Variants in ZNF81 observed in about 807,000 individuals in gnomAD.
ZNF81 encodes the protein zinc finger protein 81 (HFZ20).
In ZNF81, 5 loss-of-function variants were observed where a neutral mutation model predicts 32.3. The observed-to-expected ratio is 0.15, with a 90% CI of 0.08 to 0.33. ZNF81 has a LOEUF of 0.33. Among genes scored for constraint, ZNF81 ranks in the 10% least tolerant of loss-of-function variants. ZNF81 has a pLI of 1.00. For missense variants in ZNF81, 379 were observed against 479.8 expected (o/e 0.79, Z 1.96); for synonymous variants, 163 against 166.8 (o/e 0.98, Z 0.17).
chrX:47,883,220 A>C (rs1556885362), intron 2 of ZNF81, among the ~76,000 whole-genome samples: 1 of 110,195 alleles, frequency 9.1e-6, no homozygotes, highest in Non-Finnish European at 1.9e-5. Flanking sequence ...GTGTCTGCTC[A>C]AGTATTTTGC....
intron 2 of ZNF81, among the ~76,000 whole-genome samples, chrX:47,885,512 T>C (rs945586553): frequency 8.0e-5 from 9 of 112,052 alleles, no homozygotes; most frequent in Non-Finnish European, 1.7e-4. Context: ...TGGTATCTTA[T>C]AAACAATAGA....
intron 2 of ZNF81, among the ~76,000 whole-genome samples, chrX:47,869,775 A>C (rs2058573438): frequency 9.0e-6 from 1 of 110,822 alleles, no homozygotes; most frequent in Non-Finnish European, 1.9e-5. Context: ...AGCTCACTGC[A>C]ACCTCCGCCT....
At chrX:47,874,668 T>C (rs1344985137) in intron 2 of ZNF81, among the ~76,000 whole-genome samples, 3 of 112,180 alleles carry the variant, frequency 2.7e-5, no homozygotes, top group African/African-American at 9.7e-5. Flanking sequence ...TGTCCTCTCA[T>C]TGAGTCAAGA....
At chrX:47,905,597 C>T (rs1556889071) in intron 4 of ZNF81, among the ~76,000 whole-genome samples, 2 of 110,058 alleles carry the variant, frequency 1.8e-5, no homozygotes, top group African/African-American at 3.3e-5. Context: ...CTGGGGAACC[C>T]TAGCCATCTT....
chrX:47,888,938 T>C (rs2058652839), intron 3 of ZNF81, among the ~76,000 whole-genome samples: 1 of 112,126 alleles, frequency 8.9e-6, no homozygotes, highest in Non-Finnish European at 1.9e-5. Flanking sequence ...AATTGCGTTC[T>C]GTTGGGTGAA....
intron 2 of ZNF81, among the ~76,000 whole-genome samples, chrX:47,846,767 A>AAAC (rs2058472671): frequency 3.6e-5 from 4 of 111,874 alleles, no homozygotes. Context: ...TAATAGTTTT[A>AAAC]AAGAATGTTT....
At chrX:47,884,692 G>A (rs782699482) in intron 2 of ZNF81, among the ~76,000 whole-genome samples, 6 of 111,668 alleles carry the variant, frequency 5.4e-5, no homozygotes, top group Non-Finnish European at 7.5e-5. Flanking sequence ...GGTGGAGGCT[G>A]GAAAAGATTT....
chrX:47,898,469 T>C (rs1318829834), intron 4 of ZNF81, among the ~76,000 whole-genome samples: 1 of 112,203 alleles, frequency 8.9e-6, no homozygotes, highest in Non-Finnish European at 1.9e-5. Context: ...ATACTATCTT[T>C]ATTACTGTAG....
chrX:47,893,017 G>A (rs925857361), intron 3 of ZNF81, among the ~76,000 whole-genome samples: 1 of 112,510 alleles, frequency 8.9e-6, no homozygotes, highest in Admixed American at 9.3e-5. Flanking sequence ...ACTGGCAAAG[G>A]AGACTCAAGA....
chrX:47,844,088 T>C (rs1257465765), intron 1 of ZNF81, among the ~76,000 whole-genome samples: 1 of 112,272 alleles, frequency 8.9e-6, no homozygotes, highest in African/African-American at 3.2e-5. Context: ...ATAGCTTCTG[T>C]ATTGATTTCC....
At chrX:47,840,798 G>A (rs2058445955) in intron 1 of ZNF81, among the ~76,000 whole-genome samples, 1 of 112,176 alleles carries the variant, frequency 8.9e-6, no homozygotes, top group Non-Finnish European at 1.9e-5. Context: ...ATGAGCCACC[G>A]CGCCCGGCGA....
intron 2 of ZNF81, among the ~76,000 whole-genome samples, chrX:47,854,967 T>A (rs2058510458): frequency 9.1e-6 from 1 of 109,623 alleles, no homozygotes; most frequent in Non-Finnish European, 1.9e-5. Flanking sequence ...TGGTGGCAGG[T>A]GCCTATAATC....
At chrX:47,856,044 G>T in intron 2 of ZNF81, among the ~76,000 whole-genome samples, 1 of 48,835 alleles carries the variant, frequency 2.0e-5, no homozygotes, top group Non-Finnish European at 3.4e-5. Context: ...GTGAGACTCT[G>T]CCTCAAAAAA....
rs903865990 is a variant in ZNF81 at position 47,861,927 on chromosome X, A to G, written c.54+15606A>G. The stretch of plus-strand genomic sequence containing the variant: ...AGAATGTTTCCAGGGCCAAGGTAGC[A>G]TTATTAATCACCTCGGCTAAAATCA... On this transcript the variant is annotated intron_variant, in intron 2 of 4. Coordinates refer to ENST00000338637, the MANE Select transcript of ZNF81 (RefSeq NM_007137.5). Among the ~76,000 whole-genome samples, 4 of 112,166 alleles carry G rather than the reference A, an allele frequency of 3.6e-5. No individual in the cohort carries two copies. In the Admixed American group the frequency reaches 3.8e-4, roughly 11 times the overall value.
intron 1 of ZNF81, among the ~76,000 whole-genome samples, chrX:47,842,353 A>G (rs1490719868): frequency 9.0e-6 from 1 of 111,480 alleles, no homozygotes; most frequent in East Asian, 2.8e-4. Flanking sequence ...GTTAACAGGA[A>G]TGGCTTTTCT....
intron 2 of ZNF81, among the ~76,000 whole-genome samples, chrX:47,868,959 A>C (rs1272013290): frequency 9.3e-6 from 1 of 107,399 alleles, no homozygotes; most frequent in Non-Finnish European, 1.9e-5. Flanking sequence ...GATCTCTCTT[A>C]TATACATCTT....
chrX:47,854,284 T>C (rs2058507170), intron 2 of ZNF81, among the ~76,000 whole-genome samples: 1 of 112,788 alleles, frequency 8.9e-6, no homozygotes, highest in South Asian at 3.7e-4. Context: ...TTTGGTTTAA[T>C]TAAGGGAATG....
intron 1 of ZNF81, chrX:47,841,188 C>T: frequency 1.3e-6 from 1 of 766,088 alleles, no homozygotes; most frequent in Non-Finnish European, 2.0e-6. Context: ...GCTCCTCAAT[C>T]ACTGTACTGT....
intron 2 of ZNF81, 35 bp from the exon 3 acceptor site, chrX:47,887,964 A>C: frequency 8.3e-7 from 1 of 1,211,435 alleles, no homozygotes; most frequent in Non-Finnish European, 1.1e-6. Context: ...TCCAGTGCTG[A>C]TCATGTTGCC....
Sources: allele counts gnomAD v4.1 joint callset (sites outside exome capture counted in the v4.1 genomes callset), GRCh38; gene constraint gnomAD v4.1.1; transcripts MANE v1.5; gene names NCBI Gene and HGNC (gene_info 2026-07-23, HGNC 2026-07-21).